The following NEK1 variants were observed in gnomAD, a reference collection of about 807,000 sequenced individuals.
The protein encoded by NEK1 is NIMA related kinase 1, also known as serine/threonine-protein kinase Nek1.
A neutral mutation model predicts 182.1 loss-of-function variants in NEK1; 137 were observed. The observed-to-expected ratio is 0.75, with a 90% confidence interval of 0.65 to 0.87. The LOEUF is 0.87. NEK1 is among the 40% of genes least tolerant of loss of function. The pLI is 0.00. For synonymous variants in NEK1, 513 were observed against 492.2 expected, an observed-to-expected ratio of 1.04 and a Z score of -0.56; for missense variants, 1,391 against 1,494.4, an observed-to-expected ratio of 0.93 and a Z score of 1.14.
At chr4:169,572,830 C>T (rs1431786890) in intron 12 of NEK1, among the ~76,000 whole-genome samples, 3 of 152,136 alleles carry the variant, frequency 2.0e-5, no homozygotes, top group Non-Finnish European at 2.9e-5. Context: ...ATAATATAGA[C>T]ATCAGGAGCC....
Position 169,438,238 on chromosome 4 carries a change from T to G in NEK1, c.2609A>C (p.Lys870Thr). ...IRSEISPEGE[K>T]YKPLITGEKK... ...TTCTCCAGTAATTAAGGGTTTGTAC[T>G]TTTCCCCTTCGGGAGAAATCTCTGT... The change falls in exon 28 of 36, where the codon AAG (lysine) becomes ACG (threonine). Residue 870 changes from lysine to threonine, a missense_variant. By Grantham distance (78) the Lys-to-Thr change is moderately conservative. This residue lies in a region of NEK1 where 1,216 missense variants were observed against 1,277.6 expected (regional missense o/e 0.95). Coordinates refer to ENST00000507142, the MANE Select transcript of NEK1 (RefSeq NM_001199397.3). 1 of 1,545,234 alleles carries G rather than the reference T, an allele frequency of 6.5e-7. No homozygotes were observed. Among genetic ancestry groups the G allele is most frequent in the Non-Finnish European group, 8.7e-7 (1 of 1,144,572 alleles).
At chr4:169,417,310 T>A (rs958676892) in intron 31 of NEK1, among the ~76,000 whole-genome samples, 2 of 152,158 alleles carry the variant, frequency 1.3e-5, no homozygotes, top group Non-Finnish European at 2.9e-5. Flanking sequence ...TATGAAACCT[T>A]GTAGACCATG....
intron 23 of NEK1, among the ~76,000 whole-genome samples, chr4:169,499,224 G>T (rs1751959883): frequency 6.6e-6 from 1 of 152,152 alleles, no homozygotes; most frequent in African/African-American, 2.4e-5. Flanking sequence ...TCGTCACGTA[G>T]TTCTTGTGCC....
intron 28 of NEK1, among the ~76,000 whole-genome samples, chr4:169,437,810 C>T (rs1027400612): frequency 6.6e-6 from 1 of 152,200 alleles, no homozygotes; most frequent in Non-Finnish European, 1.5e-5. Context: ...TAAAGGCACA[C>T]GAATTAGGAA....
At chr4:169,559,306 A>G (rs1327773294) in intron 16 of NEK1, among the ~76,000 whole-genome samples, 1 of 152,232 alleles carries the variant, frequency 6.6e-6, no homozygotes, top group Non-Finnish European at 1.5e-5. Context: ...GTACAAGTTG[A>G]TAAGCTTTCT....
At chr4:169,572,246 T>C (rs958006638) in intron 12 of NEK1, among the ~76,000 whole-genome samples, 6 of 151,990 alleles carry the variant, frequency 3.9e-5, no homozygotes, top group African/African-American at 9.7e-5. Context: ...ACTAATATGG[T>C]GGTAAAAATA....
intron 27 of NEK1, among the ~76,000 whole-genome samples, 158 bp from the exon 28 acceptor site, chr4:169,438,417 T>C (rs375752757): frequency 2.6e-5 from 4 of 152,274 alleles, no homozygotes; most frequent in African/African-American, 9.6e-5. Context: ...GACTACAGTA[T>C]ATGAAAGTCA....
intron 27 of NEK1, among the ~76,000 whole-genome samples, chr4:169,452,964 T>C (rs1204621814): frequency 1.3e-5 from 2 of 152,154 alleles, no homozygotes; most frequent in African/African-American, 4.8e-5. Flanking sequence ...TTCAGCAAAG[T>C]CTCAGGATAC....
chr4:169,417,482 A>G (rs1354043645), intron 31 of NEK1, among the ~76,000 whole-genome samples: 1 of 152,216 alleles, frequency 6.6e-6, no homozygotes, highest in Non-Finnish European at 1.5e-5. Flanking sequence ...GTTAGGAAAC[A>G]ATTGGTTGAT....
chr4:169,567,496 G>C (rs1433366210), intron 12 of NEK1, among the ~76,000 whole-genome samples: 1 of 152,014 alleles, frequency 6.6e-6, no homozygotes, highest in Non-Finnish European at 1.5e-5. Context: ...CACCTCCCAG[G>C]TTCAAGTGAT....
At chr4:169,421,820 C>A (rs567820276) in intron 31 of NEK1, among the ~76,000 whole-genome samples, 2 of 152,310 alleles carry the variant, frequency 1.3e-5, no homozygotes, top group East Asian at 3.9e-4. Flanking sequence ...GAATTTCAAT[C>A]TTCTCTCAGC....
chr4:169,593,040 C>T (rs905537113), intron 5 of NEK1, among the ~76,000 whole-genome samples: 1 of 151,988 alleles, frequency 6.6e-6, no homozygotes, highest in East Asian at 1.9e-4. Context: ...TGTCTCATTT[C>T]ACAGACAGTG....
intron 18 of NEK1, among the ~76,000 whole-genome samples, chr4:169,538,488 GTC>G (rs1489874373): frequency 6.6e-6 from 1 of 152,098 alleles, no homozygotes; most frequent in East Asian, 1.9e-4. Flanking sequence ...TTACTTTTGT[GTC>G]TTTCTCTGAC....
chr4:169,569,007 C>T (rs562960854), intron 12 of NEK1, among the ~76,000 whole-genome samples: 94 of 150,920 alleles, frequency 6.2e-4, no homozygotes, highest in African/African-American at 2.2e-3. Context: ...AAATTAAATG[C>T]GTGTGTAAAT....
chr4:169,574,467 CG>C (rs150955020), intron 12 of NEK1, among the ~76,000 whole-genome samples: 10,675 of 152,046 alleles, frequency 0.07, 1,217 homozygotes, highest in African/African-American at 0.24. Context: ...GGTGTGGTGG[CG>C]GGCGCCTGTA....
chr4:169,485,291 T>TA (rs1283487340), intron 23 of NEK1, among the ~76,000 whole-genome samples: 1 of 152,208 alleles, frequency 6.6e-6, no homozygotes, highest in South Asian at 2.1e-4. Context: ...TACTAACTCT[T>TA]ACAATAACTT....
At chr4:169,449,458 G>C (rs1308374651) in intron 27 of NEK1, among the ~76,000 whole-genome samples, 1 of 152,216 alleles carries the variant, frequency 6.6e-6, no homozygotes, top group East Asian at 1.9e-4. Context: ...AAAGCTTCCA[G>C]AGGAAGGATC....
chr4:169,609,612 T>A (rs1360782446), intron 2 of NEK1, among the ~76,000 whole-genome samples: 1 of 149,982 alleles, frequency 6.7e-6, no homozygotes. Context: ...AATATACATA[T>A]GTATATATAT....
intron 26 of NEK1, among the ~76,000 whole-genome samples, chr4:169,475,327 C>T (rs1340016562): frequency 6.6e-6 from 1 of 152,126 alleles, no homozygotes; most frequent in East Asian, 1.9e-4. Context: ...AACTGGAAAA[C>T]CTCATCATTC....
Sources: allele counts gnomAD v4.1 joint callset (sites outside exome capture counted in the v4.1 genomes callset), GRCh38; gene constraint gnomAD v4.1.1; regional missense constraint gnomAD v4.1.1; transcripts MANE v1.5; gene names NCBI Gene and HGNC (gene_info 2026-07-23, HGNC 2026-07-21).